PARP9: variants seen among roughly 807,000 people sequenced by gnomAD.
PARP9 encodes the protein poly(ADP-ribose) polymerase family member 9, also known as protein mono-ADP-ribosyltransferase PARP9.
Under a neutral mutation model 68.8 loss-of-function variants are expected in PARP9, and 48 were observed. The observed-to-expected ratio is 0.70, with a 90% CI of 0.55 to 0.89. PARP9 has a LOEUF of 0.89. PARP9 is among the 40% of genes least tolerant of loss of function. The pLI, the probability that PARP9 is intolerant of heterozygous loss-of-function variation, is 0.00. For missense variants in PARP9, 806 were observed against 969.3 expected (o/e 0.83, Z 2.24); for synonymous variants, 309 against 333.8 (o/e 0.93, Z 0.81).
chr3:122,551,104 G>A (rs1461619425), intron 5 of PARP9, among the ~76,000 whole-genome samples: 1 of 152,174 alleles, frequency 6.6e-6, no homozygotes, highest in Non-Finnish European at 1.5e-5. Context: ...CCAACCATCT[G>A]TTTACCCCAT....
intron 6 of PARP9, 86 bp from the exon 7 acceptor site, chr3:122,545,575 T>C: frequency 7.9e-7 from 1 of 1,269,896 alleles, no homozygotes; most frequent in Non-Finnish European, 1.2e-6. Flanking sequence ...CACACAGCAC[T>C]TGACTTCATC....
chr3:122,558,963 G>C (rs2079956148), intron 2 of PARP9, among the ~76,000 whole-genome samples: 1 of 152,148 alleles, frequency 6.6e-6, no homozygotes, highest in Non-Finnish European at 1.5e-5. Flanking sequence ...GATCCTCCTG[G>C]CTTCAGCCTC....
At chr3:122,546,318 G>A (rs992694540) in intron 6 of PARP9, among the ~76,000 whole-genome samples, 5 of 152,220 alleles carry the variant, frequency 3.3e-5, no homozygotes, top group Non-Finnish European at 5.9e-5. Flanking sequence ...GATGCTGGGC[G>A]GCGGCAGCAA....
chr3:122,550,887 T>C (rs552258326), intron 5 of PARP9, 85 bp from the exon 6 acceptor site: 6 of 1,230,270 alleles, frequency 4.9e-6, no homozygotes, highest in Admixed American at 4.0e-5. Flanking sequence ...TATTTTACAA[T>C]GTCCACCTTC....
intron 8 of PARP9, among the ~76,000 whole-genome samples, chr3:122,540,179 T>C (rs1034897816): frequency 4.6e-5 from 7 of 152,262 alleles, no homozygotes; most frequent in Non-Finnish European, 1.0e-4. Context: ...CTTTTCCCCA[T>C]GGCTTGGGCT....
Position 122,540,493 on chromosome 3 carries a change from G to A in PARP9, c.1744C>T (p.Arg582Ter), listed in dbSNP as rs756620968. ...TCACCTAACGAGCGCCAAAGGCCTC[G>A]CTCCTTTTTCCTTGCCATTTCCTCC... ...VQEEMARKKE[R>*]GLWRSLGQWT... Residue 582 changes from arginine to a stop codon, truncating the protein, a stop_gained, in exon 8 of 11, where the codon CGA becomes TGA. Transcript: ENST00000682323. LOFTEE classifies it high-confidence loss of function. 6 of 1,613,364 alleles carry A rather than the reference G, an allele frequency of 3.7e-6. No individual in the cohort carries two copies. Among genetic ancestry groups the A allele is most frequent in the Non-Finnish European group, 5.1e-6 (6 of 1,179,598 alleles).
chr3:122,542,257 CT>C (rs1175844599), intron 7 of PARP9, among the ~76,000 whole-genome samples: 2,882 of 104,010 alleles, frequency 0.028, 97 homozygotes, highest in African/African-American at 0.11. Flanking sequence ...TCTACTACTA[CT>C]TTTTTTTTTT....
chr3:122,532,712 T>G (rs549115391), intron 10 of PARP9: 1 of 152,554 alleles, frequency 6.6e-6, no homozygotes, highest in East Asian at 1.9e-4. Context: ...TTACTAGGCC[T>G]GTAGGCCTGC....
intron 7 of PARP9, 24 bp downstream of exon 7, chr3:122,545,408 T>C (rs760181623): frequency 1.2e-6 from 2 of 1,612,712 alleles, no homozygotes; most frequent in Admixed American, 1.7e-5. Context: ...ACCCTACTTA[T>C]TGGCCTGTGA....
intron 1 of PARP9, among the ~76,000 whole-genome samples, chr3:122,562,740 G>A (rs530932627): frequency 6.6e-6 from 1 of 152,230 alleles, no homozygotes; most frequent in South Asian, 2.1e-4. Flanking sequence ...GTATCCTAGA[G>A]ATCTTTTCAT....
chr3:122,549,778 C>A (rs370860729), intron 6 of PARP9, among the ~76,000 whole-genome samples: 1 of 150,712 alleles, frequency 6.6e-6, no homozygotes, highest in African/African-American at 2.4e-5. Context: ...AAGATCACAT[C>A]TGTTTAAAAA....
At chr3:122,538,658 CCACACACA>C (rs10577699) in intron 8 of PARP9, among the ~76,000 whole-genome samples, 11 of 144,942 alleles carry the variant, frequency 7.6e-5, no homozygotes, top group South Asian at 2.2e-4. Flanking sequence ...TAAAGCAATG[CCACACACA>C]CACACACACA....
At chr3:122,534,100 G>A in intron 10 of PARP9, 1 of 974,126 alleles carries the variant, frequency 1.0e-6, no homozygotes, top group Non-Finnish European at 1.2e-6. Context: ...AGGGAGAAGG[G>A]CAGAGCACAC....
chr3:122,543,289 T>C (rs1259862491), intron 7 of PARP9, among the ~76,000 whole-genome samples: 1 of 151,726 alleles, frequency 6.6e-6, no homozygotes, highest in Non-Finnish European at 1.5e-5. Flanking sequence ...TGTTTTTTGT[T>C]TTTTTTTGAG....
At chr3:122,556,152 A>T (rs1236682277) in intron 3 of PARP9, 31 bp from the exon 4 acceptor site, 15 of 601,612 alleles carry the variant, frequency 2.5e-5, no homozygotes, top group East Asian at 2.3e-4. Context: ...AAAAAAAAAA[A>T]AAAAAAAAAA....
In PARP9 at chr3:122,550,741, A is replaced by G; in HGVS notation, c.1169T>C (p.Ile390Thr). The change falls in exon 6 of 11, where the codon ATT (isoleucine) becomes ACT (threonine). Residue 390 changes from isoleucine to threonine, a missense_variant. Around this residue, in one of 2 missense-constraint regions of PARP9, gnomAD observed 680 missense variants for 858.8 expected, o/e 0.79. Coordinates refer to ENST00000682323, the MANE Select transcript of PARP9 (RefSeq NM_001146105.2). ...EKCIEQNITS[I>T]SFPALGTGNM... ...TCCAGTCCCAAGGGCAGGAAAGGAA[A>G]TGGAAGTTATATTTTGCTCAATGCA... 1 of 1,614,132 alleles carries G rather than the reference A, an allele frequency of 6.2e-7. No homozygotes were observed.
At chr3:122,549,017 ATT>A (rs34551808) in intron 6 of PARP9, among the ~76,000 whole-genome samples, 2 of 145,494 alleles carry the variant, frequency 1.4e-5, no homozygotes, top group Non-Finnish European at 1.5e-5. Flanking sequence ...GTATTAACTC[ATT>A]TTTTTTTTTT....
Position 122,550,701 on chromosome 3 carries a change from CTTTA to C in PARP9, c.1205_1208del (p.Ile402ArgfsTer14). 3 of 1,614,104 alleles carry C rather than the reference CTTTA, an allele frequency of 1.9e-6. No homozygotes were observed. Among genetic ancestry groups the C allele is most frequent in the Non-Finnish European group, 2.5e-6 (3 of 1,179,996 alleles). On this transcript the variant is annotated frameshift_variant, in exon 6 of 11. Coordinates refer to ENST00000682323, the MANE Select transcript of PARP9 (RefSeq NM_001146105.2). LOFTEE classifies it high-confidence loss of function. ...ACAAAATCTCTGCTGCTGTTTCCTT[CTTTA>C]TTTCCATGTTTCCAGTCCCAAGGGC...
upstream of PARP9, chr3:122,564,326 G>C: frequency 1.5e-6 from 2 of 1,369,812 alleles, no homozygotes; most frequent in East Asian, 5.1e-5. Context: ...GGACCTCCAG[G>C]GAAGCGAAAC....
Sources: allele counts gnomAD v4.1 joint callset (sites outside exome capture counted in the v4.1 genomes callset), GRCh38; gene constraint gnomAD v4.1.1; regional missense constraint gnomAD v4.1.1; transcripts MANE v1.5; gene names NCBI Gene and HGNC (gene_info 2026-07-23, HGNC 2026-07-21).